Variants in TARS3 observed in about 807,000 individuals in gnomAD.
TARS3 encodes threonyl-tRNA synthetase 3.
A neutral mutation model predicts 103.5 loss-of-function variants in TARS3; 94 were observed. The observed-to-expected ratio is 0.91, with a 90% CI of 0.77 to 1.08. TARS3 has a LOEUF of 1.08. TARS3 is among the 50% of genes least tolerant of loss of function. The pLI is 0.00. For missense variants in TARS3, 952 were observed against 995.2 expected (o/e 0.96, Z 0.58); for synonymous variants, 416 against 355.4 (o/e 1.17, Z -1.92).
chr15:101,717,669 T>C (rs1485282920), intron 3 of TARS3, among the ~76,000 whole-genome samples: 1 of 152,198 alleles, frequency 6.6e-6, no homozygotes, highest in East Asian at 1.9e-4. Context: ...TTCTGGACCA[T>C]GTAGACAACG....
At chr15:101,695,382 T>C (rs916680141) in intron 10 of TARS3, among the ~76,000 whole-genome samples, 7 of 152,226 alleles carry the variant, frequency 4.6e-5, no homozygotes, top group Non-Finnish European at 8.8e-5. Flanking sequence ...TTATCTGGCT[T>C]AGTACGATGC....
intron 11 of TARS3, among the ~76,000 whole-genome samples, chr15:101,685,678 A>G (rs1349086119): frequency 6.6e-6 from 1 of 152,212 alleles, no homozygotes; most frequent in Non-Finnish European, 1.5e-5. Flanking sequence ...AGCACAAAAA[A>G]ATGCAATGGT....
chr15:101,711,996 G>A lies in TARS3; in HGVS notation c.696C>T (p.Tyr232=), dbSNP rs949242790. Residue 232 remains tyrosine (Y), a synonymous_variant, in exon 5 of 19, where the codon TAC becomes TAT. Coordinates refer to ENST00000335968, the MANE Select transcript of TARS3 (RefSeq NM_152334.3). The stretch of plus-strand genomic sequence containing the variant: ...CAAGAATGTGAGCACTGGAGTGCCA[G>A]TACACCTGCATGGCATGGACAAAGA... ...TFDNEEAQAV[Y]WHSSAHILGE... is the part of the protein sequence containing the mutation. The A allele has an allele frequency of 2.0e-5, 33 of 1,612,422 alleles. No individual in the cohort carries two copies. The highest frequency in any genetic ancestry group is 2.8e-5 in the Non-Finnish European group (33 of 1,179,284).
At chr15:101,712,901 G>T (rs1281934896) in intron 4 of TARS3, among the ~76,000 whole-genome samples, 1 of 152,216 alleles carries the variant, frequency 6.6e-6, no homozygotes, top group Non-Finnish European at 1.5e-5. Flanking sequence ...ACAGCAATAG[G>T]CTGGGATATG....
At chr15:101,704,022 G>C in intron 7 of TARS3, 85 bp from the exon 8 acceptor site, 1 of 958,624 alleles carries the variant, frequency 1.0e-6, no homozygotes. Context: ...CTATGTTTTA[G>C]GTAGAGCTTC....
chr15:101,674,136 A>G (rs370837200), intron 13 of TARS3, among the ~76,000 whole-genome samples: 51 of 152,356 alleles, frequency 3.3e-4, no homozygotes, highest in African/African-American at 1.1e-3. Context: ...CCTTTCGTCC[A>G]GAGTCTCCAT....
chr15:101,702,832 G>A (rs1899350183), intron 8 of TARS3, among the ~76,000 whole-genome samples: 1 of 152,162 alleles, frequency 6.6e-6, no homozygotes, highest in Admixed American at 6.5e-5. Flanking sequence ...GTAGTGCTGG[G>A]AACAATCTTA....
rs1898453543 is a variant in TARS3 at position 101,685,916 on chromosome 15, GGGTT to G, written c.1463_1466del (p.Lys488ThrfsTer2). On this transcript the variant is annotated frameshift_variant, in exon 11 of 19. Coordinates refer to ENST00000335968, the MANE Select transcript of TARS3 (RefSeq NM_152334.3). LOFTEE classifies it high-confidence loss of function. ...CTCACCAGTGCCCTGGACAATTCAT[GGGTT>G]TGAGGGCAAAAGTGTCCTTTTCAAT... The G allele has an allele frequency of 6.2e-7, 1 of 1,613,732 alleles. No individual in the cohort carries two copies. The highest frequency in any genetic ancestry group is 1.7e-5 in the Admixed American group (1 of 59,976).
Position 101,677,818 on chromosome 15 carries a change from G to C in TARS3, c.1651-2081C>G, listed in dbSNP as rs150062775. 8.0e-4 allele frequency among the ~76,000 whole-genome samples: 121 copies of C among 151,430 alleles called. No homozygotes were observed. In the East Asian group the frequency reaches 0.02, roughly 25 times the overall value. ...TGGCTAATTTTGTATTTTTAGTAGA[G>C]ACAGGGTTTCTCCATGTTAGTCAGT... On this transcript the variant is annotated intron_variant, in intron 12 of 18. Transcript: ENST00000335968.
chr15:101,719,221 T>C (rs192643638), intron 3 of TARS3, among the ~76,000 whole-genome samples: 1 of 152,350 alleles, frequency 6.6e-6, no homozygotes, highest in East Asian at 1.9e-4. Flanking sequence ...CCTCCTTCTT[T>C]TTTCCAAGCA....
At position 101,701,081 on chromosome 15, in the gene TARS3, C is replaced by G. The variant is rs1411043791; in HGVS notation, c.1320+5G>C. ...TAAGAATAAAACATTTTAAAGTTAACTTACTCGTATGAAATCTGTAAGCGT... is the reference window on the plus strand; with the variant it reads ...TAAGAATAAAACATTTTAAAGTTAAGTTACTCGTATGAAATCTGTAAGCGT... On this transcript the variant is annotated splice_donor_5th_base_variant and intron_variant, in intron 10 of 18. Coordinates refer to ENST00000335968, the MANE Select transcript of TARS3 (RefSeq NM_152334.3). The G allele has an allele frequency of 6.6e-7, 1 of 1,510,022 alleles. No individual in the cohort carries two copies. The highest frequency in any genetic ancestry group is 2.3e-5 in the Admixed American group (1 of 43,562). 93.5% of individuals were successfully genotyped at this position (1,510,022 alleles called of 1,614,324 possible).
chr15:101,702,432 T>C (rs745547620), intron 8 of TARS3, 47 bp from the exon 9 acceptor site: 7 of 1,477,364 alleles, frequency 4.7e-6, no homozygotes, highest in Non-Finnish European at 6.6e-6. Context: ...CATTCAGTTG[T>C]AAGTAAAACT....
intron 3 of TARS3, among the ~76,000 whole-genome samples, chr15:101,719,673 T>G (rs1900348737): frequency 6.6e-6 from 1 of 152,260 alleles, no homozygotes; most frequent in Middle Eastern, 3.2e-3. Context: ...AAAGCATCAT[T>G]GCTCTGCAGC....
In TARS3 at chr15:101,686,939, A is replaced by G. The variant is rs533445240; in HGVS notation, c.1321-877T>C. 1.3e-4 allele frequency among the ~76,000 whole-genome samples: 20 copies of G among 152,042 alleles called. No homozygotes were observed. The East Asian group carries it at 3.3e-3, about 25-fold the overall frequency. On this transcript the variant is annotated intron_variant, in intron 10 of 18. Coordinates refer to ENST00000335968, the MANE Select transcript of TARS3 (RefSeq NM_152334.3). ...CATTTGAAAAACTGTTTTCACAGCT[A>G]AAAAAACATAAAACATAACATTTTA...
chr15:101,661,637 A>G, intron 16 of TARS3, 75 bp downstream of exon 16: 1 of 954,614 alleles, frequency 1.0e-6, no homozygotes, highest in Non-Finnish European at 1.5e-6. Flanking sequence ...ATATTTTTAA[A>G]AAGGAAAAAT....
chr15:101,668,220 A>G (rs1407794735), intron 15 of TARS3, among the ~76,000 whole-genome samples: 1 of 152,166 alleles, frequency 6.6e-6, no homozygotes, highest in African/African-American at 2.4e-5. Context: ...AATCATTTCT[A>G]GCTTTTGATC....
intron 3 of TARS3, among the ~76,000 whole-genome samples, 172 bp from the exon 4 acceptor site, chr15:101,715,135 A>G (rs1900078735): frequency 2.0e-5 from 3 of 151,874 alleles, no homozygotes; most frequent in Admixed American, 2.0e-4. Context: ...GTAGAAAAGT[A>G]ATATACATTC....
intron 10 of TARS3, among the ~76,000 whole-genome samples, chr15:101,690,947 C>CT (rs1264088561): frequency 1.5e-4 from 22 of 151,276 alleles, no homozygotes; most frequent in Admixed American, 6.6e-4. Flanking sequence ...GGGTATCAAT[C>CT]TTTTTTTTTG....
chr15:101,656,826 G>C, intron 18 of TARS3, 96 bp downstream of exon 18: 1 of 733,244 alleles, frequency 1.4e-6, no homozygotes, highest in Non-Finnish European at 2.3e-6. Context: ...GACAAATCAT[G>C]ATAATCAAGT....
Sources: gnomAD v4.1 joint callset for allele counts (sites outside exome capture counted in the v4.1 genomes callset) on GRCh38, gnomAD v4.1.1 for gene constraint, MANE v1.5 for transcripts, NCBI Gene and HGNC (gene_info 2026-07-23, HGNC 2026-07-21) for gene names.